Variants in SLC25A15 observed in about 807,000 individuals in gnomAD.
SLC25A15 encodes solute carrier family 25 member 15, also known as mitochondrial ornithine transporter 1.
A neutral mutation model predicts 32.3 loss-of-function variants in SLC25A15; 24 were observed. The observed-to-expected ratio is 0.74, with a 90% confidence interval of 0.54 to 1.04. The LOEUF is 1.04. Ranked by LOEUF, SLC25A15 falls within the 50% of genes least tolerant of loss-of-function variation. SLC25A15 has a pLI of 0.00. For missense variants in SLC25A15, 317 were observed against 374.5 expected (o/e 0.85, Z 1.27); for synonymous variants, 132 against 142.1 (o/e 0.93, Z 0.51).
intron 2 of SLC25A15, among the ~76,000 whole-genome samples, chr13:40,797,354 T>C (rs1881699906): frequency 6.6e-6 from 1 of 152,254 alleles, no homozygotes; most frequent in South Asian, 2.1e-4. Flanking sequence ...AATGCTTTAT[T>C]CAGCTTATCT....
intron 3 of SLC25A15, among the ~76,000 whole-genome samples, chr13:40,803,084 C>A (rs1881962845): frequency 6.6e-6 from 1 of 152,076 alleles, no homozygotes; most frequent in African/African-American, 2.4e-5. Context: ...ATTGTCCTAC[C>A]CCCAAATGCC....
chr13:40,803,864 T>G (rs914825030), intron 3 of SLC25A15, among the ~76,000 whole-genome samples: 1 of 152,224 alleles, frequency 6.6e-6, no homozygotes, highest in African/African-American at 2.4e-5. Flanking sequence ...CATGTGGGGA[T>G]AGGCTTAGAA....
intron 3 of SLC25A15, 88 bp from the exon 4 acceptor site, chr13:40,805,030 C>T (rs1882109414): frequency 6.4e-7 from 1 of 1,554,814 alleles, no homozygotes; most frequent in Admixed American, 1.7e-5. Flanking sequence ...GGCTCCTTAC[C>T]CTGCTTTATC....
chr13:40,808,566 A>G lies in SLC25A15; in HGVS notation c.751A>G (p.Arg251Gly), dbSNP rs746683247. ...GTCTGGAAAACAGGCAGGATTTATC[A>G]GAACCTTTATAAATGTTGTGAAAAA... ...SMSGKQAGFIRTFINVVKNEG... is the reference protein window; with the variant it reads ...SMSGKQAGFIGTFINVVKNEG... Residue 251 changes from arginine (R) to glycine (G), a missense_variant, in exon 6 of 7, where the codon AGA (arginine) becomes GGA (glycine). Physicochemically the swap from Arg to Gly is moderately radical, Grantham distance 125. Transcript: ENST00000338625. 35 of 1,608,528 alleles carry G rather than the reference A, an allele frequency of 2.2e-5. No homozygotes were observed. The South Asian group carries it at 3.8e-4, about 18-fold the overall frequency.
intron 2 of SLC25A15, among the ~76,000 whole-genome samples, chr13:40,794,794 C>T (rs192527690): frequency 6.6e-6 from 1 of 152,048 alleles, no homozygotes; most frequent in Non-Finnish European, 1.5e-5. Flanking sequence ...GCACACCCCC[C>T]ACCCCCACCA....
Position 40,809,807 on chromosome 13 carries a change from C to T in SLC25A15, c.*140C>T, listed in dbSNP as rs964819404. 3.7e-6 allele frequency: 3 copies of T among 814,504 alleles called. No homozygotes were observed. In the African/African-American group the frequency reaches 5.1e-5, roughly 14 times the overall value. The allele number at this position is 814,504 out of a possible 1,614,324, so 50.5% of individuals were successfully genotyped here. On this transcript the variant is annotated 3_prime_UTR_variant, in exon 7 of 7. Transcript: ENST00000338625. ...TTTTGTCTTCCCTTCTACCCTACATCTTAAACTTTATGGAAGAACCTCTAT... is the reference window on the plus strand; with the variant it reads ...TTTTGTCTTCCCTTCTACCCTACATTTTAAACTTTATGGAAGAACCTCTAT...
intron 5 of SLC25A15, among the ~76,000 whole-genome samples, chr13:40,808,013 T>C (rs1181412991): frequency 1.3e-5 from 2 of 152,186 alleles, no homozygotes; most frequent in Non-Finnish European, 1.5e-5. Flanking sequence ...ATAAAAACAA[T>C]TTTGGCTTTT....
chr13:40,806,999 G>C (rs1472932945), intron 4 of SLC25A15, among the ~76,000 whole-genome samples: 1 of 152,154 alleles, frequency 6.6e-6, no homozygotes, highest in Non-Finnish European at 1.5e-5. Context: ...GTAAACACCT[G>C]AACAAATTTC....
intron 2 of SLC25A15, among the ~76,000 whole-genome samples, chr13:40,795,154 G>A (rs535205211): frequency 1.6e-4 from 24 of 152,238 alleles, no homozygotes; most frequent in Admixed American, 1.4e-3. Flanking sequence ...GCCACACTGG[G>A]GAGGACGCTG....
Position 40,799,152 on chromosome 13 carries a change from T to C in SLC25A15, c.151T>C (p.Cys51Arg), listed in dbSNP as rs1162917191. 1 of 1,614,198 alleles carries C rather than the reference T, an allele frequency of 6.2e-7. No individual in the cohort carries two copies. Among genetic ancestry groups the C allele is most frequent in the South Asian group, 1.1e-5 (1 of 91,080 alleles). Reference sequence around the variant, plus strand: ...CCTGTACCGGGGCCTCACCGACTGCTGCCTGAAGACTTACTCCCAGGTGGG... The same window carrying C: ...CCTGTACCGGGGCCTCACCGACTGCCGCCTGAAGACTTACTCCCAGGTGGG... ...PDLYRGLTDC[C>R]LKTYSQVGFR... is the part of the protein sequence containing the mutation. Residue 51 changes from cysteine (C) to arginine (R), a missense_variant, in exon 3 of 7, where the codon TGC becomes CGC. Physicochemically the swap from Cys to Arg is radical, Grantham distance 180. Coordinates refer to ENST00000338625, the MANE Select transcript of SLC25A15 (RefSeq NM_014252.4).
intron 1 of SLC25A15, among the ~76,000 whole-genome samples, chr13:40,790,784 C>T (rs986814901): frequency 6.6e-6 from 1 of 152,092 alleles, no homozygotes; most frequent in Admixed American, 6.5e-5. Flanking sequence ...ACGGGGGTTT[C>T]TCATGTTGGT....
At chr13:40,800,946 C>A (rs1313303150) in intron 3 of SLC25A15, among the ~76,000 whole-genome samples, 1 of 152,084 alleles carries the variant, frequency 6.6e-6, no homozygotes, top group Non-Finnish European at 1.5e-5. Flanking sequence ...ATTAAAGATG[C>A]GTAAGGCTGG....
At chr13:40,792,123 A>G (rs1411526980) in intron 1 of SLC25A15, among the ~76,000 whole-genome samples, 2 of 152,252 alleles carry the variant, frequency 1.3e-5, no homozygotes, top group Non-Finnish European at 2.9e-5. Context: ...ATGCCTCAAC[A>G]GTAGTTGACT....
rs747998866 is a variant in SLC25A15, at chr13:40,805,137, G to A, written c.334G>A (p.Ala112Thr). Residue 112 changes from alanine (A) to threonine (T), a missense_variant, in exon 4 of 7, where the codon GCC becomes ACC. By Grantham distance (58) the Ala-to-Thr change is moderately conservative (BLOSUM62 0). Coordinates refer to ENST00000338625, the MANE Select transcript of SLC25A15 (RefSeq NM_014252.4). ...TTTCAGTGATCTGCAGAATGCAGCC[G>A]CCGGTTCCTTCGCCTCTGCCTTTGC... ...AKLSDLQNAA[A>T]GSFASAFAAL... 113 of 1,613,978 alleles carry A rather than the reference G, an allele frequency of 7.0e-5. No homozygotes were observed. The highest frequency in any genetic ancestry group is 1.0e-4 in the Admixed American group (6 of 60,000).
In SLC25A15 at chr13:40,799,209, G is replaced by T; in HGVS notation, c.208G>T (p.Ala70Ser). Residue 70 changes from alanine (A) to serine (S), a missense_variant, in exon 3 of 7, where the codon GCA becomes TCA. By Grantham distance (99) the Ala-to-Ser change is moderately conservative. Coordinates refer to ENST00000338625, the MANE Select transcript of SLC25A15 (RefSeq NM_014252.4). The part of the protein sequence containing the change: ...FRGFYKGTSP[A>S]LIANIAENSV... ...TGGCTTCTACAAGGGTACCAGTCCA[G>T]CACTAATCGCCAACATCGCTGAGAA... 3 of 1,614,242 alleles carry T rather than the reference G, an allele frequency of 1.9e-6. No homozygotes were observed. In the South Asian group the frequency reaches 3.3e-5, roughly 18 times the overall value.
rs536293334 is a variant in SLC25A15 at position 40,793,177 on chromosome 13, T to C, written c.-50T>C. On this transcript the variant is annotated 5_prime_UTR_variant, in exon 2 of 7. The change abolishes the stop of an existing upstream ORF in the 5' untranslated region. Coordinates refer to ENST00000338625, the MANE Select transcript of SLC25A15 (RefSeq NM_014252.4). ...CCCCAGGGATATGTGGTGCCTGTCA[T>C]AAGCTCCAGAGAGCTGCCTTCCACA... The C allele has an allele frequency of 1.9e-6, 3 of 1,601,996 alleles. No homozygotes were observed. In the South Asian group the frequency reaches 3.3e-5, roughly 18 times the overall value.
chr13:40,794,904 A>G (rs1881621069), intron 2 of SLC25A15, among the ~76,000 whole-genome samples: 1 of 152,000 alleles, frequency 6.6e-6, no homozygotes, highest in Non-Finnish European at 1.5e-5. Context: ...TTTTTCCATG[A>G]GCCAAAGGTC....
chr13:40,809,309 G>A (rs533961137), intron 6 of SLC25A15, among the ~76,000 whole-genome samples: 11 of 152,208 alleles, frequency 7.2e-5, no homozygotes, highest in African/African-American at 1.7e-4. Context: ...TTAACCAAGC[G>A]TGGAATTGGG....
chr13:40,795,215 C>T (rs976107917), intron 2 of SLC25A15, among the ~76,000 whole-genome samples: 1 of 152,172 alleles, frequency 6.6e-6, no homozygotes, highest in African/African-American at 2.4e-5. Context: ...CTCTCACCAG[C>T]GAGTGAATGC....
Sources: allele counts gnomAD v4.1 joint callset (sites outside exome capture counted in the v4.1 genomes callset), GRCh38; gene constraint gnomAD v4.1.1; transcripts MANE v1.5; gene names NCBI Gene and HGNC (gene_info 2026-07-23, HGNC 2026-07-21).